Variants in TIAM2 observed in about 807,000 individuals in gnomAD.
TIAM2 encodes rho guanine nucleotide exchange factor TIAM2.
A neutral mutation model predicts 152.9 loss-of-function variants in TIAM2; 80 were observed. The ratio of observed to expected loss-of-function variants is 0.52; its 90% confidence interval spans 0.44 to 0.63. The LOEUF (loss-of-function observed/expected upper bound fraction) is 0.63. Ranked by LOEUF, TIAM2 falls within the 30% of genes least tolerant of loss-of-function variation. The pLI is 0.00. For synonymous variants in TIAM2, 804 were observed against 838.0 expected (o/e 0.96, Z 0.70); for missense variants, 1,965 against 2,120.1 (o/e 0.93, Z 1.44).
In TIAM2 at chr6:155,209,917, C is replaced by G. The variant is rs182574360; in HGVS notation, c.3065-1287C>G. Among the ~76,000 whole-genome samples the G allele has an allele frequency of 2.3e-4, 35 of 152,310 alleles. 1 individual carries two copies. In the Middle Eastern group the frequency reaches 0.02, roughly 89 times the overall value. On this transcript the variant is annotated intron_variant, in intron 14 of 26. Transcript: ENST00000682666. ...CTAGCTTCTAAAGGTTCTCCAGAAA[C>G]CATCTTCCCTGCCCCCATCATGCTG... is the stretch of plus-strand genomic sequence containing the variant.
chr6:155,129,135 C>T lies in TIAM2; in HGVS notation c.-6-83C>T, dbSNP rs779871958. On this transcript the variant is annotated intron_variant, in intron 3 of 26. Coordinates refer to ENST00000682666, the MANE Select transcript of TIAM2 (RefSeq NM_012454.4). This position sits in a 1 kb window ranked among gnomAD's most constrained non-coding sequence, Gnocchi z 4.8. The stretch of plus-strand genomic sequence containing the variant: ...GGCACTGAAGTTGCTGTGTAATATG[C>T]AGGGCATTCTTTTTAGAAAGTTCTG... 10 of 1,299,378 alleles carry T rather than the reference C, an allele frequency of 7.7e-6. No individual in the cohort carries two copies. Among genetic ancestry groups the T allele is most frequent in the Non-Finnish European group, 1.1e-5 (10 of 935,904 alleles). 80.5% of individuals were successfully genotyped at this position (1,299,378 alleles called of 1,614,324 possible).
At chr6:155,187,040 A>G (rs1195545198) in intron 14 of TIAM2, among the ~76,000 whole-genome samples, 1 of 152,244 alleles carries the variant, frequency 6.6e-6, no homozygotes, top group African/African-American at 2.4e-5. Flanking sequence ...AATAGAAATT[A>G]TAAGAATATC....
intron 8 of TIAM2, among the ~76,000 whole-genome samples, chr6:155,165,039 T>C (rs1382655793): frequency 6.6e-6 from 1 of 152,120 alleles, no homozygotes; most frequent in Non-Finnish European, 1.5e-5. Flanking sequence ...CTGTAGTGGT[T>C]TTGCTGACGC....
chr6:155,244,909 C>T, intron 18 of TIAM2, 126 bp downstream of exon 18: 1 of 1,242,670 alleles, frequency 8.0e-7, no homozygotes, highest in South Asian at 1.8e-5. Context: ...TGTCCTGTGA[C>T]TATTTCCTTG....
chr6:155,164,351 A>G, intron 7 of TIAM2, 64 bp from the exon 8 acceptor site: 1 of 1,470,922 alleles, frequency 6.8e-7, no homozygotes, highest in South Asian at 1.3e-5. Context: ...AAGGGATCAC[A>G]TTTTCGTTTT....
In TIAM2 at chr6:155,093,361, G is replaced by A. The variant is rs1778344487; in HGVS notation, c.-118+2982G>A. On this transcript the variant is annotated intron_variant, in intron 2 of 26. Coordinates refer to ENST00000682666, the MANE Select transcript of TIAM2 (RefSeq NM_012454.4). ...CGTAGATGGAAGATGCACGTTGATA[G>A]CAAGAGGAAGGTGATTGCCATTGGG... is the stretch of plus-strand genomic sequence containing the variant. 1.3e-5 allele frequency among the ~76,000 whole-genome samples: 2 copies of A among 152,224 alleles called. 1 individual carries two copies. The highest frequency in any genetic ancestry group is 4.1e-4 in the South Asian group (2 of 4,832).
At chr6:155,024,207 TG>T (rs1391978123) in intron 1 of TIAM2, among the ~76,000 whole-genome samples, 1 of 152,224 alleles carries the variant, frequency 6.6e-6, no homozygotes, top group Non-Finnish European at 1.5e-5. Flanking sequence ...CACGTTTCTT[TG>T]GTAAGAAACA....
intron 7 of TIAM2, among the ~76,000 whole-genome samples, chr6:155,150,763 C>T (rs1342429204): frequency 8.6e-6 from 1 of 116,244 alleles, no homozygotes; most frequent in Non-Finnish European, 2.0e-5. Flanking sequence ...GAAGCATCTT[C>T]TTAACTGTAT....
intron 9 of TIAM2, among the ~76,000 whole-genome samples, chr6:155,176,378 C>T (rs1349924770): frequency 6.6e-6 from 1 of 152,166 alleles, no homozygotes; most frequent in African/African-American, 2.4e-5. Flanking sequence ...GGACTACAGG[C>T]GCACGTCAGC....
chr6:155,051,927 A>T (rs762412756), intron 1 of TIAM2, among the ~76,000 whole-genome samples: 3 of 152,166 alleles, frequency 2.0e-5, no homozygotes, highest in East Asian at 3.8e-4. Context: ...GGCGTGAGCC[A>T]CTGCGCCTGG....
intron 18 of TIAM2, 118 bp downstream of exon 18, chr6:155,244,901 T>G (rs1783231271): frequency 2.4e-6 from 3 of 1,273,392 alleles, no homozygotes; most frequent in Non-Finnish European, 3.2e-6. Context: ...CTATTTATTG[T>G]CCTGTGACTA....
chr6:155,197,258 T>C (rs550773218), intron 14 of TIAM2, among the ~76,000 whole-genome samples: 1 of 152,394 alleles, frequency 6.6e-6, no homozygotes, highest in South Asian at 2.1e-4. Flanking sequence ...AATTGCCATT[T>C]GTGAATCTAA....
chr6:155,240,450 G>C, intron 15 of TIAM2, 80 bp from the exon 16 acceptor site: 1 of 1,459,106 alleles, frequency 6.9e-7, no homozygotes, highest in Non-Finnish European at 9.2e-7. Context: ...CACAGACGGA[G>C]ACACTTGGTG....
chr6:155,052,858 C>T (rs576722733), intron 1 of TIAM2, among the ~76,000 whole-genome samples: 3 of 151,416 alleles, frequency 2.0e-5, no homozygotes, highest in Admixed American at 6.6e-5. Flanking sequence ...ATTAGCCATA[C>T]GTTTTATGGT....
intron 1 of TIAM2, among the ~76,000 whole-genome samples, chr6:155,040,398 T>C (rs1279832172): frequency 6.6e-6 from 1 of 152,190 alleles, no homozygotes; most frequent in Non-Finnish European, 1.5e-5. Flanking sequence ...ACTTGCCGAA[T>C]GTCAGGGAAG....
chr6:155,163,241 G>A (rs1368199359), intron 7 of TIAM2, among the ~76,000 whole-genome samples: 3 of 152,180 alleles, frequency 2.0e-5, no homozygotes, highest in Non-Finnish European at 2.9e-5. Context: ...GATTACAAGC[G>A]TTCACTTACA....
chr6:155,184,425 T>A (rs1484262815), intron 14 of TIAM2, among the ~76,000 whole-genome samples: 1 of 152,262 alleles, frequency 6.6e-6, no homozygotes, highest in Non-Finnish European at 1.5e-5. Context: ...TCTGAAGTTT[T>A]GAGTTGATCA....
intron 1 of TIAM2, among the ~76,000 whole-genome samples, chr6:155,023,153 T>A (rs1409623395): frequency 6.6e-6 from 1 of 152,218 alleles, no homozygotes; most frequent in South Asian, 2.1e-4. Flanking sequence ...GTTCAAGATA[T>A]CTGAGTTTGA....
chr6:155,007,923 T>C lies in TIAM2; in HGVS notation c.-209+12431T>C, dbSNP rs1341042999. Among the ~76,000 whole-genome samples the C allele has an allele frequency of 2.0e-5, 3 of 152,338 alleles. No individual in the cohort carries two copies. The East Asian group carries it at 5.8e-4, about 29-fold the overall frequency. ...CATTTTCTGAAAAGCTGTCTGTCAC[T>C]GAAGCTAAATTTTGATAGCTTGATA... On this transcript the variant is annotated intron_variant, in intron 1 of 26. Coordinates refer to ENST00000682666, the MANE Select transcript of TIAM2 (RefSeq NM_012454.4).
Sources: allele counts gnomAD v4.1 joint callset (sites outside exome capture counted in the v4.1 genomes callset), GRCh38; gene constraint gnomAD v4.1.1; non-coding constraint Gnocchi (gnomAD v3.1); transcripts MANE v1.5; gene names NCBI Gene and HGNC (gene_info 2026-07-23, HGNC 2026-07-21).